NAALADL2: variants seen among roughly 807,000 people sequenced by gnomAD.
NAALADL2 encodes inactive N-acetylated-alpha-linked acidic dipeptidase-like protein 2.
NAALADL2 carries 76 observed loss-of-function variants against 87.2 expected under a neutral mutation model. The ratio of observed to expected loss-of-function variants is 0.87; its 90% CI spans 0.72 to 1.05. The LOEUF is 1.05. Ranked by LOEUF, NAALADL2 falls within the 50% of genes least tolerant of loss-of-function variation. The pLI is 0.00. For missense variants in NAALADL2, 1,089 were observed against 945.8 expected (o/e 1.15, Z -1.99); for synonymous variants, 354 against 331.0 (o/e 1.07, Z -0.75).
chr3:175,442,237 G>C (rs1004430799), intron 5 of NAALADL2, among the ~76,000 whole-genome samples: 1 of 151,956 alleles, frequency 6.6e-6, no homozygotes. Context: ...GAGCCACCAC[G>C]CCTGGCCAAC....
chr3:175,340,231 A>G (rs1053556379), intron 5 of NAALADL2, among the ~76,000 whole-genome samples: 1 of 152,186 alleles, frequency 6.6e-6, no homozygotes, highest in Non-Finnish European at 1.5e-5. Context: ...AAATTTATAA[A>G]TGTTCGATAA....
chr3:174,592,766 A>C (rs1362145215), intron 2 of NAALADL2, among the ~76,000 whole-genome samples: 1 of 152,114 alleles, frequency 6.6e-6, no homozygotes, highest in Non-Finnish European at 1.5e-5. Context: ...AATTTCCTTA[A>C]GCCCTGATAA....
chr3:175,152,708 C>A (rs1046260618), intron 2 of NAALADL2, among the ~76,000 whole-genome samples: 2 of 152,064 alleles, frequency 1.3e-5, no homozygotes, highest in Non-Finnish European at 2.9e-5. Flanking sequence ...GAGTTCGAGA[C>A]CAGCCTGGCC....
intron 1 of NAALADL2, among the ~76,000 whole-genome samples, chr3:175,092,316 A>G (rs141880865): frequency 5.9e-4 from 89 of 151,164 alleles, no homozygotes; most frequent in Non-Finnish European, 1.0e-3. Context: ...TAGCCTCACT[A>G]TGAAGTCCAC....
chr3:175,770,208 A>G (rs1749304996), intron 13 of NAALADL2, among the ~76,000 whole-genome samples: 1 of 152,190 alleles, frequency 6.6e-6, no homozygotes, highest in Admixed American at 6.6e-5. Flanking sequence ...GCAAATATCG[A>G]GAAGATTAAT....
At chr3:175,153,294 A>G (rs1264682597) in intron 2 of NAALADL2, among the ~76,000 whole-genome samples, 1 of 152,064 alleles carries the variant, frequency 6.6e-6, no homozygotes, top group Non-Finnish European at 1.5e-5. Context: ...TTTCTGTACT[A>G]TGTCATGTCA....
chr3:175,380,243 C>A (rs898582477), intron 5 of NAALADL2, among the ~76,000 whole-genome samples: 17 of 152,022 alleles, frequency 1.1e-4, no homozygotes, highest in African/African-American at 4.1e-4. Context: ...ATACTGACAT[C>A]CATGTCCCCT....
At chr3:175,381,584 CATTT>C (rs1449661532) in intron 5 of NAALADL2, among the ~76,000 whole-genome samples, 2 of 151,962 alleles carry the variant, frequency 1.3e-5, no homozygotes, top group Admixed American at 6.6e-5. Context: ...TTTCTTAGCA[CATTT>C]ATTTACTGAA....
Position 174,565,015 on chromosome 3 carries a change from C to T in NAALADL2, c.-115+14378C>T, listed in dbSNP as rs1012747810. Among the ~76,000 whole-genome samples the T allele has an allele frequency of 2.0e-5, 3 of 151,960 alleles. No individual in the cohort carries two copies. In the East Asian group the frequency reaches 5.8e-4, roughly 30 times the overall value. On this transcript the variant is annotated intron_variant, in intron 2 of 3. Coordinates refer to the NAALADL2 transcript ENST00000434257. Reference sequence around the variant, plus strand: ...AGAGGGTATATGCAAATTCCAATTTCTTCTGAATTTTCCAATTTTACAGGA... The same window carrying T: ...AGAGGGTATATGCAAATTCCAATTTTTTCTGAATTTTCCAATTTTACAGGA...
rs1412396066 is a variant in NAALADL2, at chr3:174,851,247, T to C, written c.-9+113501T>C. Among the ~76,000 whole-genome samples, 6 of 146,176 alleles carry C rather than the reference T, an allele frequency of 4.1e-5. No homozygotes were observed. The South Asian group carries it at 1.1e-3, about 26-fold the overall frequency. On this transcript the variant is annotated intron_variant, in intron 3 of 3. Coordinates refer to the NAALADL2 transcript ENST00000434257. ...CTCAATCTTAGTAGAAGAAAATAAA[T>C]AATAAATATCAGAGCAGAAGTAAAT...
intron 2 of NAALADL2, among the ~76,000 whole-genome samples, chr3:175,231,938 G>C (rs1744996768): frequency 6.6e-6 from 1 of 152,026 alleles, no homozygotes; most frequent in South Asian, 2.1e-4. Flanking sequence ...AATGGAGAAA[G>C]GGGGTAGGAA....
intron 4 of NAALADL2, among the ~76,000 whole-genome samples, chr3:175,307,532 A>G (rs1757866621): frequency 6.6e-6 from 1 of 152,300 alleles, no homozygotes; most frequent in Middle Eastern, 3.4e-3. Context: ...TGAAAATAGA[A>G]TCAAATTACC....
chr3:175,241,855 A>ATTTTTT (rs779567135), intron 3 of NAALADL2, among the ~76,000 whole-genome samples: 23,100 of 81,950 alleles, frequency 0.28, 6,212 homozygotes, highest in Middle Eastern at 0.44. Flanking sequence ...TGGATGCTGA[A>ATTTTTT]TTTTTTTTTT....
At chr3:175,012,544 T>G (rs888489160) in intron 1 of NAALADL2, among the ~76,000 whole-genome samples, 1 of 152,132 alleles carries the variant, frequency 6.6e-6, no homozygotes, top group East Asian at 1.9e-4. Context: ...GTAAAATAAT[T>G]TTTTTATTTT....
At chr3:174,674,450 G>A (rs1726854947) in intron 2 of NAALADL2, among the ~76,000 whole-genome samples, 1 of 151,876 alleles carries the variant, frequency 6.6e-6, no homozygotes, top group African/African-American at 2.4e-5. Context: ...TACAAATACT[G>A]TGAAACGGAG....
Position 174,780,866 on chromosome 3 carries a change from C to T in NAALADL2, c.-9+43120C>T, listed in dbSNP as rs558723815. ...TGCCCATTAGTTGATGCAGTTTCTT[C>T]GTACTGTTGATGGTCTTTACAATTT... On this transcript the variant is annotated intron_variant, in intron 3 of 3. Coordinates refer to the NAALADL2 transcript ENST00000434257. Among the ~76,000 whole-genome samples the T allele has an allele frequency of 7.2e-5, 11 of 152,148 alleles. No homozygotes were observed. In the East Asian group the frequency reaches 1.4e-3, roughly 19 times the overall value.
intron 3 of NAALADL2, among the ~76,000 whole-genome samples, chr3:174,850,536 T>C (rs1355229225): frequency 1.3e-5 from 2 of 152,154 alleles, no homozygotes; most frequent in Non-Finnish European, 2.9e-5. Flanking sequence ...AAATATCATA[T>C]AATGATAAAT....
intron 1 of NAALADL2, among the ~76,000 whole-genome samples, chr3:174,931,429 C>A (rs1013726607): frequency 1.3e-5 from 2 of 151,986 alleles, no homozygotes; most frequent in East Asian, 3.9e-4. Flanking sequence ...AGTGCCATAT[C>A]GTAGAATTAT....
At chr3:175,619,484 A>AC (rs751597344) in intron 10 of NAALADL2, among the ~76,000 whole-genome samples, 2 of 151,120 alleles carry the variant, frequency 1.3e-5, no homozygotes, top group African/African-American at 2.4e-5. Flanking sequence ...AAAAAAAAAA[A>AC]ACAACTTAAA....
Sources: gnomAD v4.1 joint callset for allele counts (sites outside exome capture counted in the v4.1 genomes callset) on GRCh38, gnomAD v4.1.1 for gene constraint, MANE v1.5 for transcripts, NCBI Gene and HGNC (gene_info 2026-07-23, HGNC 2026-07-21) for gene names.